The following VAV3 variants were observed in gnomAD, a reference collection of about 807,000 sequenced individuals.
The protein encoded by VAV3 is vav guanine nucleotide exchange factor 3, also known as guanine nucleotide exchange factor VAV3.
VAV3 carries 94 observed loss-of-function variants against 131.2 expected under a neutral mutation model. The ratio of observed to expected loss-of-function variants is 0.72; its 90% CI spans 0.61 to 0.85. The LOEUF is 0.85. VAV3 is among the 40% of genes least tolerant of loss of function. The pLI, the probability that VAV3 is intolerant of heterozygous loss-of-function variation, is 0.00. For synonymous variants in VAV3, 349 were observed against 342.0 expected (o/e 1.02, Z -0.22); for missense variants, 939 against 1,002.7 (o/e 0.94, Z 0.86).
At chr1:107,741,307 A>G (rs1270410353) in intron 15 of VAV3, among the ~76,000 whole-genome samples, 1 of 152,214 alleles carries the variant, frequency 6.6e-6, no homozygotes, top group Non-Finnish European at 1.5e-5. Flanking sequence ...CTTAATTTTG[A>G]ATTGCTGGGT....
intron 1 of VAV3, among the ~76,000 whole-genome samples, chr1:107,947,616 A>T (rs568183918): frequency 7.2e-5 from 11 of 152,342 alleles, no homozygotes; most frequent in Non-Finnish European, 1.5e-4. Flanking sequence ...CTGAGAGATT[A>T]AGGAATTTGC....
chr1:107,921,743 C>A (rs1458039603), intron 1 of VAV3, among the ~76,000 whole-genome samples: 2 of 152,170 alleles, frequency 1.3e-5, no homozygotes, highest in Non-Finnish European at 2.9e-5. Flanking sequence ...TCCTCCCAAT[C>A]TTTAGTTCTA....
chr1:107,878,129 T>A lies in VAV3; in HGVS notation c.205-3112A>T, dbSNP rs551708252. ...AATTGCAACATAGTGCCATATATGC[T>A]TTTGCACCTATACCCTTTATATATT... On this transcript the variant is annotated intron_variant, in intron 1 of 26. Coordinates refer to ENST00000370056, the MANE Select transcript of VAV3 (RefSeq NM_006113.5). 4.1e-3 allele frequency among the ~76,000 whole-genome samples: 626 copies of A among 152,326 alleles called. 5 individuals carry two copies. Among genetic ancestry groups the A allele is most frequent in the African/African-American group, 0.014 (588 of 41,570 alleles).
In VAV3 at chr1:107,832,153, A is replaced by T. The variant is rs1247303133; in HGVS notation, c.321+42748T>A. On this transcript the variant is annotated intron_variant, in intron 2 of 26. Coordinates refer to ENST00000370056, the MANE Select transcript of VAV3 (RefSeq NM_006113.5). ...TGGCAAGGACTTGGCAGCCATGGGG[A>T]CTGATCTGGTTATAAGAGCAACACA... 2.0e-5 allele frequency among the ~76,000 whole-genome samples: 3 copies of T among 152,214 alleles called. No homozygotes were observed. In the East Asian group the frequency reaches 5.8e-4, roughly 29 times the overall value.
intron 19 of VAV3, among the ~76,000 whole-genome samples, chr1:107,670,799 C>T (rs753918916): frequency 3.3e-5 from 5 of 152,076 alleles, no homozygotes; most frequent in African/African-American, 4.8e-5. Flanking sequence ...AGTGCCGACT[C>T]GAGTTGAAAA....
intron 2 of VAV3, among the ~76,000 whole-genome samples, chr1:107,874,601 GA>G (rs11358329): frequency 0.65 from 98,980 of 151,794 alleles, 32,835 homozygotes; most frequent in Non-Finnish European, 0.72. Flanking sequence ...GTGACCAGCA[GA>G]AAAAAAATTA....
intron 2 of VAV3, among the ~76,000 whole-genome samples, chr1:107,832,546 A>G (rs1181506169): frequency 6.6e-6 from 1 of 152,180 alleles, no homozygotes; most frequent in Non-Finnish European, 1.5e-5. Flanking sequence ...TTTCTATCTG[A>G]GTCTTTTATA....
chr1:107,826,868 T>C (rs1434071783), intron 2 of VAV3, among the ~76,000 whole-genome samples: 1 of 152,188 alleles, frequency 6.6e-6, no homozygotes, highest in East Asian at 1.9e-4. Context: ...CCCGAGTCTA[T>C]ATTTTTTAAA....
chr1:107,846,295 G>A (rs1484136787), intron 2 of VAV3, among the ~76,000 whole-genome samples: 1 of 152,204 alleles, frequency 6.6e-6, no homozygotes, highest in Non-Finnish European at 1.5e-5. Context: ...GCTCCTGAAG[G>A]AAGGACTAAA....
chr1:107,799,018 A>G lies in VAV3; in HGVS notation c.322-19526T>C, dbSNP rs890893445. On this transcript the variant is annotated intron_variant, in intron 2 of 26. Transcript: ENST00000370056. ...AAATACTATCAGAAGTCCAAAACTTAAAAGTGATGAAAGCACAGCTTATCA... is the reference window on the plus strand; with the variant it reads ...AAATACTATCAGAAGTCCAAAACTTGAAAGTGATGAAAGCACAGCTTATCA... Among the ~76,000 whole-genome samples, 14 of 152,190 alleles carry G rather than the reference A, an allele frequency of 9.2e-5. 1 individual carries two copies. The South Asian group carries it at 2.9e-3, about 32-fold the overall frequency.
intron 17 of VAV3, among the ~76,000 whole-genome samples, chr1:107,701,314 G>A (rs1660116736): frequency 3.1e-5 from 1 of 31,794 alleles, no homozygotes; most frequent in Non-Finnish European, 1.0e-4. Flanking sequence ...TGAAGCAAAG[G>A]CCTGGGGCTT....
At chr1:107,889,734 T>C (rs1312141623) in intron 1 of VAV3, among the ~76,000 whole-genome samples, 1 of 152,216 alleles carries the variant, frequency 6.6e-6, no homozygotes, top group African/African-American at 2.4e-5. Flanking sequence ...GAGTCTAGAA[T>C]GATGTAGCAC....
chr1:107,963,096 C>T (rs1239082120), intron 1 of VAV3, among the ~76,000 whole-genome samples: 1 of 152,110 alleles, frequency 6.6e-6, no homozygotes, highest in Non-Finnish European at 1.5e-5. Flanking sequence ...ATAAAGGCTT[C>T]GAGGTTTAAA....
At chr1:107,718,486 A>G (rs1441110696) in intron 15 of VAV3, among the ~76,000 whole-genome samples, 1 of 152,186 alleles carries the variant, frequency 6.6e-6, no homozygotes, top group Non-Finnish European at 1.5e-5. Flanking sequence ...AATACCTAGG[A>G]ATCCAACTTA....
intron 19 of VAV3, among the ~76,000 whole-genome samples, chr1:107,664,531 C>T (rs1657272448): frequency 6.6e-6 from 1 of 152,182 alleles, no homozygotes; most frequent in Admixed American, 6.5e-5. Context: ...AAAGAATTTT[C>T]ACACCACAAA....
At chr1:107,830,905 A>G (rs1460473307) in intron 2 of VAV3, among the ~76,000 whole-genome samples, 1 of 152,216 alleles carries the variant, frequency 6.6e-6, no homozygotes, top group Non-Finnish European at 1.5e-5. Context: ...ATATCGTGTT[A>G]TATCTGTATT....
At chr1:107,802,213 A>T (rs972430521) in intron 2 of VAV3, among the ~76,000 whole-genome samples, 1 of 151,962 alleles carries the variant, frequency 6.6e-6, no homozygotes, top group East Asian at 1.9e-4. Context: ...GTATGCTGCA[A>T]CTTTACTTAT....
intron 2 of VAV3, among the ~76,000 whole-genome samples, chr1:107,813,966 CAGTGTGTGTG>C (rs1180766703): frequency 3.5e-5 from 3 of 85,806 alleles, no homozygotes; most frequent in African/African-American, 1.3e-4. Context: ...AATAGTACTC[CAGTGTGTGTG>C]TGTGTGTGTG....
chr1:107,764,581 G>A (rs1217479205), intron 9 of VAV3, among the ~76,000 whole-genome samples: 1 of 152,144 alleles, frequency 6.6e-6, no homozygotes, highest in Non-Finnish European at 1.5e-5. Context: ...GTGCAATGGT[G>A]CAACCATAGC....
Sources: allele counts gnomAD v4.1 joint callset (sites outside exome capture counted in the v4.1 genomes callset), GRCh38; gene constraint gnomAD v4.1.1; transcripts MANE v1.5; gene names NCBI Gene and HGNC (gene_info 2026-07-23, HGNC 2026-07-21).